Variants in RALGAPB observed in about 807,000 individuals in gnomAD.
The protein encoded by RALGAPB is ral GTPase-activating protein subunit beta.
A neutral mutation model predicts 161.1 loss-of-function variants in RALGAPB; 25 were observed. The observed-to-expected ratio is 0.16, with a 90% CI of 0.11 to 0.22. The LOEUF is 0.22. Ranked by LOEUF, RALGAPB falls within the 10% of genes least tolerant of loss-of-function variation. RALGAPB has a pLI of 1.00. For missense variants in RALGAPB, 1,391 were observed against 1,815.2 expected, an observed-to-expected ratio of 0.77 and a Z score of 4.25; for synonymous variants, 629 against 626.1, an observed-to-expected ratio of 1.00 and a Z score of -0.07.
chr20:38,509,059 T>G lies in RALGAPB; in HGVS notation c.741-18T>G. Reference sequence around the variant, plus strand: ...ATCTGTTAAGAAATGGACTCAGTGGTGTGCATTTATTTTCTAGATTGCTAC... The same window carrying G: ...ATCTGTTAAGAAATGGACTCAGTGGGGTGCATTTATTTTCTAGATTGCTAC... On this transcript the variant is annotated intron_variant, in intron 5 of 29. Coordinates refer to ENST00000262879, the MANE Select transcript of RALGAPB (RefSeq NM_020336.4). 1 of 1,611,092 alleles carries G rather than the reference T, an allele frequency of 6.2e-7. No homozygotes were observed. The highest frequency in any genetic ancestry group is 8.5e-7 in the Non-Finnish European group (1 of 1,177,468).
intron 14 of RALGAPB, among the ~76,000 whole-genome samples, chr20:38,531,745 G>A (rs2086657292): frequency 6.6e-6 from 1 of 152,202 alleles, no homozygotes. Context: ...CAAGACAATG[G>A]AGGGGTTAAT....
At chr20:38,493,370 C>G (rs2085330637) in intron 3 of RALGAPB, among the ~76,000 whole-genome samples, 1 of 152,154 alleles carries the variant, frequency 6.6e-6, no homozygotes, top group African/African-American at 2.4e-5. Flanking sequence ...AAATCTCATA[C>G]CTGTTAGATA....
chr20:38,517,701 T>C (rs2086172174), intron 8 of RALGAPB, 47 bp downstream of exon 8: 1 of 1,607,862 alleles, frequency 6.2e-7, no homozygotes, highest in African/African-American at 1.3e-5. Flanking sequence ...GTTGGCTTTT[T>C]AATCTGCCAT....
chr20:38,507,398 G>C (rs2085794260), intron 5 of RALGAPB, among the ~76,000 whole-genome samples: 1 of 151,610 alleles, frequency 6.6e-6, no homozygotes, highest in African/African-American at 2.4e-5. Context: ...TTTGAGGCAG[G>C]GTCTTGCTTT....
At chr20:38,494,805 A>G (rs1310339958) in intron 3 of RALGAPB, among the ~76,000 whole-genome samples, 1 of 152,156 alleles carries the variant, frequency 6.6e-6, no homozygotes, top group Non-Finnish European at 1.5e-5. Flanking sequence ...TAGTATTGTC[A>G]CTGTGTCTCT....
Position 38,531,054 on chromosome 20 carries a change from G to T in RALGAPB, c.2051-113G>T, listed in dbSNP as rs182630002. ...AACTATAATTTCATGGGTATTTCAGGAATGCTCAACCAAAATTATATTCTT... is the reference window on the plus strand; with the variant it reads ...AACTATAATTTCATGGGTATTTCAGTAATGCTCAACCAAAATTATATTCTT... On this transcript the variant is annotated intron_variant, in intron 13 of 29. Coordinates refer to ENST00000262879, the MANE Select transcript of RALGAPB (RefSeq NM_020336.4). 113 of 883,422 alleles carry T rather than the reference G, an allele frequency of 1.3e-4. No individual in the cohort carries two copies. In the African/African-American group the frequency reaches 1.7e-3, roughly 13 times the overall value. The allele number at this position is 883,422 out of a possible 1,614,324, so 54.7% of individuals were successfully genotyped here.
chr20:38,493,868 G>A (rs911132586), intron 3 of RALGAPB, among the ~76,000 whole-genome samples: 1 of 152,108 alleles, frequency 6.6e-6, no homozygotes, highest in Admixed American at 6.5e-5. Flanking sequence ...GTGTAGTCTG[G>A]CCCCTAACTA....
chr20:38,570,949 T>G (rs1568988056), intron 28 of RALGAPB, 102 bp downstream of exon 28: 1 of 757,008 alleles, frequency 1.3e-6, no homozygotes, highest in Non-Finnish European at 2.1e-6. Flanking sequence ...TGTAGACAAC[T>G]AGAAATAAAA....
chr20:38,538,999 A>G (rs936295498), intron 16 of RALGAPB, among the ~76,000 whole-genome samples: 2 of 152,250 alleles, frequency 1.3e-5, no homozygotes, highest in African/African-American at 4.8e-5. Context: ...AATGTCCATT[A>G]ATAAGTAACT....
intron 2 of RALGAPB, among the ~76,000 whole-genome samples, chr20:38,492,329 C>G (rs1198645093): frequency 6.6e-6 from 1 of 152,202 alleles, no homozygotes; most frequent in Non-Finnish European, 1.5e-5. Flanking sequence ...GGTCAGGAGG[C>G]TGGGACTCAT....
chr20:38,553,894 A>G lies in RALGAPB; in HGVS notation c.3190A>G (p.Ser1064Gly). The G allele has an allele frequency of 6.2e-7, 1 of 1,612,568 alleles. No homozygotes were observed. Among genetic ancestry groups the G allele is most frequent in the Non-Finnish European group, 8.5e-7 (1 of 1,178,928 alleles). The change falls in exon 22 of 30, where the codon AGT (serine) becomes GGT (glycine). Residue 1064 changes from serine to glycine, a missense_variant. By Grantham distance (56) the Ser-to-Gly change is moderately conservative. Transcript: ENST00000262879. ...ELEERHEKLRSGMAQQIAYEI... is the reference protein window; with the variant it reads ...ELEERHEKLRGGMAQQIAYEI... ...AGAAGAGAGACACGAAAAATTAAGG[A>G]GTGGCATGGCCCAGCAGATTGCTTA...
At chr20:38,554,166 A>C in intron 22 of RALGAPB, 90 bp downstream of exon 22, 1 of 1,122,152 alleles carries the variant, frequency 8.9e-7, no homozygotes, top group Non-Finnish European at 1.3e-6. Flanking sequence ...GATAGAAGCG[A>C]ATTAAAAAAA....
At chr20:38,546,512 G>A (rs6070544) in intron 19 of RALGAPB, 82 bp downstream of exon 19, 1 of 1,571,222 alleles carries the variant, frequency 6.4e-7, no homozygotes, top group Admixed American at 1.7e-5. Context: ...GATCAGGGAA[G>A]GACAGCCTAC....
intron 9 of RALGAPB, 80 bp downstream of exon 9, chr20:38,518,080 G>T: frequency 7.7e-7 from 1 of 1,300,464 alleles, no homozygotes; most frequent in Non-Finnish European, 1.1e-6. Context: ...CTACCTGCAA[G>T]ATTAATATGT....
chr20:38,569,859 C>G (rs749258380), intron 26 of RALGAPB, 29 bp from the exon 27 acceptor site: 9 of 1,569,914 alleles, frequency 5.7e-6, no homozygotes, highest in Non-Finnish European at 7.0e-6. Context: ...TTGTTTTTCC[C>G]GCTCTCTGTC....
intron 23 of RALGAPB, among the ~76,000 whole-genome samples, chr20:38,560,433 G>A (rs148816005): frequency 7.9e-5 from 12 of 152,270 alleles, no homozygotes; most frequent in African/African-American, 1.7e-4. Context: ...TAATAATAAC[G>A]TGTAAATTCT....
intron 1 of RALGAPB, among the ~76,000 whole-genome samples, chr20:38,483,575 A>C (rs805546): frequency 0.068 from 10,405 of 152,240 alleles, 657 homozygotes; most frequent in African/African-American, 0.17. Flanking sequence ...TCTGCTTTGT[A>C]CTGGCAAAAC....
intron 1 of RALGAPB, among the ~76,000 whole-genome samples, chr20:38,475,114 A>C (rs2084766695): frequency 1.3e-5 from 2 of 152,338 alleles, no homozygotes; most frequent in African/African-American, 4.8e-5. Context: ...AATCGGACGC[A>C]ATCATGTCTG....
At chr20:38,474,242 C>G (rs2084738057) in intron 1 of RALGAPB, among the ~76,000 whole-genome samples, 1 of 152,152 alleles carries the variant, frequency 6.6e-6, no homozygotes. Flanking sequence ...CCCACCCAAA[C>G]GCACACACTT....
Sources: gnomAD v4.1 joint callset for allele counts (sites outside exome capture counted in the v4.1 genomes callset) on GRCh38, gnomAD v4.1.1 for gene constraint, MANE v1.5 for transcripts, NCBI Gene and HGNC (gene_info 2026-07-23, HGNC 2026-07-21) for gene names.